Variants in DHX40 observed in about 807,000 individuals in gnomAD.
DHX40 encodes the protein DEAH-box helicase 40.
A neutral mutation model predicts 89.6 loss-of-function variants in DHX40; 28 were observed. That is an observed-to-expected ratio of 0.31 (90% CI 0.23 to 0.43). The LOEUF (loss-of-function observed/expected upper bound fraction) is 0.43. Ranked by LOEUF, DHX40 falls within the 20% of genes least tolerant of loss-of-function variation. The pLI is 1.00. For missense variants in DHX40, 457 were observed against 844.0 expected (o/e 0.54, Z 5.68); for synonymous variants, 226 against 283.6 (o/e 0.80, Z 2.04).
chr17:59,600,628 C>T (rs1598176743), intron 14 of DHX40, among the ~76,000 whole-genome samples: 1 of 151,344 alleles, frequency 6.6e-6, no homozygotes, highest in Non-Finnish European at 1.5e-5. Context: ...GGGAGGACCA[C>T]TTGAGGCCAG....
chr17:59,594,199 G>A (rs1476252006), intron 12 of DHX40, among the ~76,000 whole-genome samples: 3 of 151,046 alleles, frequency 2.0e-5, no homozygotes, highest in Admixed American at 2.0e-4. Flanking sequence ...TTTCTTCATT[G>A]AATTTTTGGC....
At position 59,600,584 on chromosome 17, in the gene DHX40, C is replaced by T. The variant is rs61163537; in HGVS notation, c.1806+1101C>T. Among the ~76,000 whole-genome samples the T allele has an allele frequency of 0.021, 3,186 of 152,004 alleles. 446 individuals carry two copies. The East Asian group carries it at 0.39, about 19-fold the overall frequency. ...ACCTCTACTGGGCATTGATGATTAA[C>T]CCCTGTAATCCCAATGCTTTGGGAG... On this transcript the variant is annotated intron_variant, in intron 14 of 17. Coordinates refer to ENST00000251241, the MANE Select transcript of DHX40 (RefSeq NM_024612.5).
chr17:59,569,366 A>AAATC lies in DHX40; in HGVS notation c.281-1151_281-1148dup, dbSNP rs1160864061. Reference sequence around the variant, plus strand: ...TAAATAAATAAATAAATAAATAAATAAATCCAGTTTTACTCTTGTGGCAAA... The same window carrying AAATC: ...TAAATAAATAAATAAATAAATAAATAAATCAATCCAGTTTTACTCTTGTGGCAAA... On this transcript the variant is annotated intron_variant, in intron 2 of 17. Transcript: ENST00000251241. 2.0e-4 allele frequency among the ~76,000 whole-genome samples: 27 copies of AAATC among 137,036 alleles called. 1 individual carries two copies. The highest frequency in any genetic ancestry group is 2.6e-4 in the African/African-American group (9 of 34,240). The allele number at this position is 137,036 out of a possible 152,430, so 89.9% of individuals were successfully genotyped here.
At position 59,570,723 on chromosome 17, in the gene DHX40, C is replaced by T. The variant is rs553917204; in HGVS notation, c.426+60C>T. 1.6e-5 allele frequency: 24 copies of T among 1,531,318 alleles called. No homozygotes were observed. The African/African-American group carries it at 2.7e-4, about 17-fold the overall frequency. The allele number at this position is 1,531,318 out of a possible 1,614,324, so 94.9% of individuals were successfully genotyped here. ...TTTATGGGACAGGGTCTTGCTCTGT[C>T]GCCCAGCCTGGAGTGCGTGGCGCAA... is the stretch of plus-strand genomic sequence containing the variant. On this transcript the variant is annotated intron_variant, in intron 3 of 17. Coordinates refer to ENST00000251241, the MANE Select transcript of DHX40 (RefSeq NM_024612.5).
intron 14 of DHX40, among the ~76,000 whole-genome samples, chr17:59,599,825 C>T (rs60595433): frequency 6.7e-6 from 1 of 149,978 alleles, no homozygotes; most frequent in Non-Finnish European, 1.5e-5. Context: ...TCCTCCCCCC[C>T]ACCTTTTTTT....
Position 59,605,164 on chromosome 17 carries a change from C to G in DHX40, c.1951C>G (p.His651Asp), listed in dbSNP as rs1213804101. 1 of 1,613,876 alleles carries G rather than the reference C, an allele frequency of 6.2e-7. No homozygotes were observed. The highest frequency in any genetic ancestry group is 8.5e-7 in the Non-Finnish European group (1 of 1,179,974). Reference sequence around the variant, plus strand: ...AATGGATGGTCGTGGAAGCCCAGTTCACATTCATCCTTCCTCAGCAGTAAG... The same window carrying G: ...AATGGATGGTCGTGGAAGCCCAGTTGACATTCATCCTTCCTCAGCAGTAAG... ...CTMDGRGSPVHIHPSSALHEQ... is the reference protein window; with the variant it reads ...CTMDGRGSPVDIHPSSALHEQ... The change falls in exon 16 of 18, where the codon CAC becomes GAC. Residue 651 changes from histidine to aspartate, a missense_variant. Physicochemically the swap from His to Asp is moderately conservative, Grantham distance 81. Around this residue, in one of 9 missense-constraint regions of DHX40, gnomAD observed 120 missense variants for 161.7 expected, o/e 0.74. Coordinates refer to ENST00000251241, the MANE Select transcript of DHX40 (RefSeq NM_024612.5).
At chr17:59,585,406 A>G (rs2048979194) in intron 10 of DHX40, among the ~76,000 whole-genome samples, 1 of 150,290 alleles carries the variant, frequency 6.7e-6, no homozygotes, top group Non-Finnish European at 1.5e-5. Context: ...TCTCAAAAAA[A>G]AAAAAAATTA....
At chr17:59,591,886 TGA>T (rs2049088374) in intron 12 of DHX40, among the ~76,000 whole-genome samples, 1 of 151,860 alleles carries the variant, frequency 6.6e-6, no homozygotes, top group African/African-American at 2.4e-5. Context: ...TTGTTTTGTT[TGA>T]GAGAGAGTCT....
chr17:59,565,808 A>G (rs2048696065), intron 1 of DHX40, 25 bp downstream of exon 1: 2 of 1,570,596 alleles, frequency 1.3e-6, no homozygotes, highest in Non-Finnish European at 1.7e-6. Context: ...ACGGTACGGA[A>G]GCCAGCGGGA....
intron 14 of DHX40, 77 bp from the exon 15 acceptor site, chr17:59,602,445 A>G: frequency 7.5e-7 from 1 of 1,324,842 alleles, no homozygotes; most frequent in Non-Finnish European, 1.0e-6. Context: ...GTCTTTAGAA[A>G]TGTGGATTTT....
intron 8 of DHX40, among the ~76,000 whole-genome samples, chr17:59,577,970 C>CT (rs1285358048): frequency 1.3e-5 from 2 of 152,160 alleles, no homozygotes; most frequent in African/African-American, 4.8e-5. Flanking sequence ...TGTATTGTCT[C>CT]TGACTTTTTA....
At chr17:59,603,028 G>T (rs2030628953) in intron 15 of DHX40, among the ~76,000 whole-genome samples, 1 of 152,178 alleles carries the variant, frequency 6.6e-6, no homozygotes. Flanking sequence ...ATCAGTCAGA[G>T]TGTAGTGAGG....
intron 7 of DHX40, among the ~76,000 whole-genome samples, chr17:59,576,750 GTTA>G (rs1320278103): frequency 2.0e-5 from 3 of 151,908 alleles, no homozygotes; most frequent in African/African-American, 7.2e-5. Context: ...TGTTTGGTTT[GTTA>G]TTAATCATTA....
rs371335960 is a variant in DHX40, at chr17:59,565,666, A to C, written c.-6A>C. ...GACGTGCTCGCCTCCACTCGGGGCC[A>C]GGTCTATGTCCCGGTTTCCCGCAGT... On this transcript the variant is annotated 5_prime_UTR_variant, in exon 1 of 18. Coordinates refer to ENST00000251241, the MANE Select transcript of DHX40 (RefSeq NM_024612.5). 2.0e-3 allele frequency: 3,128 copies of C among 1,599,016 alleles called. 3 individuals carry two copies. The highest frequency in any genetic ancestry group is 2.4e-3 in the Non-Finnish European group (2,815 of 1,178,642).
intron 12 of DHX40, among the ~76,000 whole-genome samples, chr17:59,596,712 T>C (rs183234167): frequency 3.5e-4 from 54 of 152,356 alleles, no homozygotes; most frequent in African/African-American, 1.2e-3. Flanking sequence ...TTTTTGTCTC[T>C]AGCTGCTTCA....
intron 11 of DHX40, among the ~76,000 whole-genome samples, chr17:59,587,222 T>G (rs1446966409): frequency 1.6e-5 from 1 of 63,194 alleles, no homozygotes. Flanking sequence ...CAAAGACATC[T>G]TCTTTTTTTT....
At chr17:59,600,174 C>T (rs1468470831) in intron 14 of DHX40, among the ~76,000 whole-genome samples, 1 of 152,124 alleles carries the variant, frequency 6.6e-6, no homozygotes, top group Admixed American at 6.6e-5. Flanking sequence ...TCCTGCCCCA[C>T]CAACCCAGGT....
At position 59,573,196 on chromosome 17, in the gene DHX40, C is replaced by T; in HGVS notation, c.507C>T (p.Val169=). The T allele has an allele frequency of 4.3e-6, 7 of 1,613,194 alleles. No homozygotes were observed. Among genetic ancestry groups the T allele is most frequent in the South Asian group, 1.1e-5 (1 of 90,924 alleles). The change falls in exon 4 of 18, where the codon GTC becomes GTT. Residue 169 remains valine (V), a synonymous_variant. Coordinates refer to ENST00000251241, the MANE Select transcript of DHX40 (RefSeq NM_024612.5). Reference sequence around the variant, plus strand: ...ACCCAAATCTTACCAAATTCAGTGTCATTATTTTGGATGAAGCCCATGAAA... The same window carrying T: ...ACCCAAATCTTACCAAATTCAGTGTTATTATTTTGGATGAAGCCCATGAAA... ...LGDPNLTKFS[V]IILDEAHERT...
intron 12 of DHX40, among the ~76,000 whole-genome samples, chr17:59,592,505 A>C (rs1460525599): frequency 6.7e-6 from 1 of 148,942 alleles, no homozygotes; most frequent in African/African-American, 2.5e-5. Flanking sequence ...ATATCACTCT[A>C]CCTACCTTTG....
Sources: gnomAD v4.1 joint callset for allele counts (sites outside exome capture counted in the v4.1 genomes callset) on GRCh38, gnomAD v4.1.1 for gene constraint, gnomAD v4.1.1 regional missense constraint, MANE v1.5 for transcripts, NCBI Gene and HGNC (gene_info 2026-07-23, HGNC 2026-07-21) for gene names.